Variants in CLSTN1 observed in about 807,000 individuals in gnomAD.
The protein encoded by CLSTN1 is calsyntenin-1.
CLSTN1 carries 28 observed loss-of-function variants against 108.3 expected under a neutral mutation model. That is an observed-to-expected ratio of 0.26 (90% CI 0.19 to 0.35). The LOEUF (loss-of-function observed/expected upper bound fraction) is 0.35. CLSTN1 is among the 10% of genes least tolerant of loss of function. The pLI is 1.00. For synonymous variants in CLSTN1, 524 were observed against 534.9 expected (o/e 0.98, Z 0.28); for missense variants, 1,157 against 1,302.6 (o/e 0.89, Z 1.72).
chr1:9,780,093 G>A (rs1199900404), intron 1 of CLSTN1, among the ~76,000 whole-genome samples: 1 of 151,470 alleles, frequency 6.6e-6, no homozygotes, highest in African/African-American at 2.4e-5. Context: ...GACCTCAGGT[G>A]ATCTGCCTGC....
Position 9,749,842 on chromosome 1 carries a change from C to A in CLSTN1, c.721G>T (p.Asp241Tyr). The A allele has an allele frequency of 6.2e-7, 1 of 1,614,056 alleles. No homozygotes were observed. The highest frequency in any genetic ancestry group is 1.1e-5 in the South Asian group (1 of 91,072). ...TCTGTGGCTCTTTTCTTCCCACAGT[C>A]ATAGGCAGTGACGGTCAGCTTATAT... ...HQYKLTVTAY[D>Y]CGKKRATEDV... Residue 241 changes from aspartate (D) to tyrosine (Y), a missense_variant, in exon 6 of 19, where the codon GAC (aspartate) becomes TAC (tyrosine). By Grantham distance (160) the Asp-to-Tyr change is radical. Coordinates refer to ENST00000377298, the MANE Select transcript of CLSTN1 (RefSeq NM_001009566.3).
At chr1:9,788,070 C>T (rs1653577548) in intron 1 of CLSTN1, among the ~76,000 whole-genome samples, 1 of 151,224 alleles carries the variant, frequency 6.6e-6, no homozygotes, top group African/African-American at 2.4e-5. Flanking sequence ...GCCCGGCCAA[C>T]CTGGCGAGAC....
intron 3 of CLSTN1, 149 bp downstream of exon 3, chr1:9,756,332 C>T (rs1169078014): frequency 1.6e-6 from 1 of 643,384 alleles, no homozygotes. Flanking sequence ...CAATTTCCAT[C>T]AATATACTTT....
intron 1 of CLSTN1, among the ~76,000 whole-genome samples, chr1:9,788,600 G>T (rs1462280103): frequency 6.6e-6 from 1 of 150,954 alleles, no homozygotes; most frequent in Non-Finnish European, 1.5e-5. Context: ...GGGCGCAGTG[G>T]CTCACGCCTG....
At chr1:9,741,344 G>T in intron 9 of CLSTN1, 88 bp from the exon 10 acceptor site, 1 of 1,274,770 alleles carries the variant, frequency 7.8e-7, no homozygotes, top group Non-Finnish European at 1.1e-6. Flanking sequence ...CCAACACAAG[G>T]GTCTTCCTAG....
chr1:9,795,489 C>G (rs1421262520), intron 1 of CLSTN1, among the ~76,000 whole-genome samples: 3 of 151,360 alleles, frequency 2.0e-5, no homozygotes, highest in African/African-American at 7.2e-5. Context: ...TTTAGAGCAA[C>G]AGAAAACAAA....
chr1:9,795,312 T>C (rs1456724973), intron 1 of CLSTN1, among the ~76,000 whole-genome samples: 4 of 150,934 alleles, frequency 2.7e-5, no homozygotes, highest in Non-Finnish European at 5.9e-5. Context: ...ATTACAGGCA[T>C]GCGCCACCAC....
At chr1:9,752,975 T>C (rs1037198147) in intron 4 of CLSTN1, among the ~76,000 whole-genome samples, 4 of 152,062 alleles carry the variant, frequency 2.6e-5, no homozygotes, top group Non-Finnish European at 4.4e-5. Context: ...AGACTAGAGC[T>C]CTAGAAAAGA....
intron 17 of CLSTN1, 98 bp downstream of exon 17, chr1:9,731,663 C>A (rs552525961): frequency 1.1e-5 from 13 of 1,237,592 alleles, no homozygotes; most frequent in Non-Finnish European, 1.4e-5. Flanking sequence ...AGGGAAAGAC[C>A]GGCGGTCATG....
At chr1:9,749,988 C>A (rs186485413) in intron 5 of CLSTN1, 75 bp from the exon 6 acceptor site, 1 of 1,252,478 alleles carries the variant, frequency 8.0e-7, no homozygotes, top group Non-Finnish European at 1.1e-6. Flanking sequence ...GGCGGAAAGA[C>A]AAAATGCATA....
intron 2 of CLSTN1, among the ~76,000 whole-genome samples, chr1:9,759,995 T>C (rs907090844): frequency 2.0e-5 from 3 of 152,208 alleles, no homozygotes; most frequent in Admixed American, 2.0e-4. Context: ...TCATCTGAAC[T>C]GACATTAATG....
intron 1 of CLSTN1, among the ~76,000 whole-genome samples, chr1:9,799,923 A>T (rs1654182042): frequency 6.6e-6 from 1 of 152,204 alleles, no homozygotes; most frequent in Admixed American, 6.5e-5. Flanking sequence ...CCTGGGTGAC[A>T]GAGCAAGACT....
chr1:9,810,191 G>A (rs1441445523), intron 1 of CLSTN1, among the ~76,000 whole-genome samples: 1 of 149,504 alleles, frequency 6.7e-6, no homozygotes, highest in Non-Finnish European at 1.5e-5. Context: ...AAGCAGGCAG[G>A]CAGGCAGGGT....
intron 1 of CLSTN1, among the ~76,000 whole-genome samples, chr1:9,796,122 C>T (rs529027171): frequency 1.3e-5 from 2 of 150,652 alleles, no homozygotes; most frequent in South Asian, 2.2e-4. Context: ...ATTAGCTGGG[C>T]GTGGTGGTGG....
At chr1:9,748,674 G>C (rs1265230963) in intron 7 of CLSTN1, among the ~76,000 whole-genome samples, 1 of 152,054 alleles carries the variant, frequency 6.6e-6, no homozygotes, top group Non-Finnish European at 1.5e-5. Flanking sequence ...TTTTTGTAGA[G>C]ACAGGGTTTT....
intron 1 of CLSTN1, among the ~76,000 whole-genome samples, chr1:9,785,545 T>G (rs990836372): frequency 3.3e-5 from 5 of 152,122 alleles, no homozygotes; most frequent in African/African-American, 1.2e-4. Flanking sequence ...CCGTGCATTG[T>G]GGGACGTTCA....
At chr1:9,755,742 T>C (rs1651776582) in intron 3 of CLSTN1, among the ~76,000 whole-genome samples, 2 of 151,394 alleles carry the variant, frequency 1.3e-5, no homozygotes, top group South Asian at 4.2e-4. Flanking sequence ...AGTTATGTGT[T>C]GAGAGAGGAG....
intron 12 of CLSTN1, 32 bp downstream of exon 12, chr1:9,735,853 T>A (rs747343941): frequency 6.2e-7 from 1 of 1,612,354 alleles, no homozygotes; most frequent in East Asian, 2.2e-5. Context: ...AAGGGGCCCA[T>A]GAGTGGTGTG....
At position 9,737,568 on chromosome 1, in the gene CLSTN1, A is replaced by C; in HGVS notation, c.1520-14T>G. 6.2e-7 allele frequency: 1 copy of C among 1,613,374 alleles called. No individual in the cohort carries two copies. Among genetic ancestry groups the C allele is most frequent in the Non-Finnish European group, 8.5e-7 (1 of 1,179,294 alleles). On this transcript the variant is annotated splice_polypyrimidine_tract_variant and intron_variant, in intron 10 of 18. Transcript: ENST00000377298. The stretch of plus-strand genomic sequence containing the variant: ...CTCCTGAAAACTCTGTGGAAAAGCA[A>C]GACAAAGACAATAGAAAAGGACTGA...
Sources: allele counts gnomAD v4.1 joint callset (sites outside exome capture counted in the v4.1 genomes callset), GRCh38; gene constraint gnomAD v4.1.1; transcripts MANE v1.5; gene names NCBI Gene and HGNC (gene_info 2026-07-23, HGNC 2026-07-21).